Variants in ANXA8 observed in about 807,000 individuals in gnomAD.
ANXA8 encodes VAC-beta.
ANXA8 carries 9 observed loss-of-function variants against 26.8 expected under a neutral mutation model. That is an observed-to-expected ratio of 0.34 (90% CI 0.20 to 0.59). The LOEUF is 0.59. Ranked by LOEUF, ANXA8 falls within the 20% of genes least tolerant of loss-of-function variation. The pLI, the probability that ANXA8 is intolerant of heterozygous loss-of-function variation, is 0.84. For synonymous variants in ANXA8, 39 were observed against 94.8 expected (o/e 0.41, Z 3.42); for missense variants, 83 against 238.5 (o/e 0.35, Z 4.29).
At chr10:47,622,931 A>C in the ANXA8 span, among the ~76,000 whole-genome samples, 20 of 113,242 alleles carry the variant, frequency 1.8e-4, 3 homozygotes, top group African/African-American at 3.4e-4. Context: ...TACTGTGTGT[A>C]CTGGGTTCCT....
At chr10:47,756,846 G>T in the ANXA8 span, among the ~76,000 whole-genome samples, 1 of 142,866 alleles carries the variant, frequency 7.0e-6, no homozygotes, top group Non-Finnish European at 1.5e-5. Context: ...GGAGGTGCGG[G>T]CCTCACCCTG....
the ANXA8 span, among the ~76,000 whole-genome samples, chr10:47,915,100 G>C: frequency 6.6e-6 from 1 of 151,914 alleles, no homozygotes; most frequent in African/African-American, 2.4e-5. Context: ...CTATATGTGA[G>C]TGGACCATGC....
chr10:47,972,290 A>C, the ANXA8 span, among the ~76,000 whole-genome samples: 2 of 151,664 alleles, frequency 1.3e-5, no homozygotes, highest in African/African-American at 2.4e-5. Context: ...TCATTATGTC[A>C]ACCTTCTGGG....
the ANXA8 span, among the ~76,000 whole-genome samples, chr10:47,645,903 T>G: frequency 1.3e-5 from 2 of 149,720 alleles, no homozygotes; most frequent in Non-Finnish European, 2.9e-5. Context: ...CACCTGGTTC[T>G]CAGACTTTTG....
chr10:47,474,913 G>A, intron 7 of ANXA8, 32 bp downstream of exon 7: 1 of 1,533,094 alleles, frequency 6.5e-7, no homozygotes. Context: ...GGCAGGGGGT[G>A]GGGCCACATG....
At chr10:47,679,800 C>T in the ANXA8 span, among the ~76,000 whole-genome samples, 5 of 151,880 alleles carry the variant, frequency 3.3e-5, no homozygotes, top group Non-Finnish European at 5.9e-5. Context: ...GGCCTGTAGT[C>T]CTGTCTACTC....
chr10:47,583,710 T>C, the ANXA8 span, among the ~76,000 whole-genome samples: 48 of 146,796 alleles, frequency 3.3e-4, 3 homozygotes, highest in African/African-American at 6.6e-4. Flanking sequence ...CTGTGTGCAT[T>C]TTCAGCTTAA....
At chr10:47,683,052 C>T in the ANXA8 span, among the ~76,000 whole-genome samples, 6 of 152,220 alleles carry the variant, frequency 3.9e-5, no homozygotes, top group African/African-American at 1.4e-4. Context: ...TGTCTGCTCA[C>T]AGGTTGGCTT....
At chr10:47,646,405 T>A in the ANXA8 span, among the ~76,000 whole-genome samples, 1 of 144,298 alleles carries the variant, frequency 6.9e-6, no homozygotes, top group Non-Finnish European at 1.5e-5. Flanking sequence ...TATACATTTT[T>A]TACTCATTGA....
At chr10:47,587,559 G>A in the ANXA8 span, among the ~76,000 whole-genome samples, 2 of 147,046 alleles carry the variant, frequency 1.4e-5, no homozygotes, top group Admixed American at 6.6e-5. Context: ...CTAAGCCATT[G>A]TATAATTGAA....
At chr10:47,564,598 C>A in the ANXA8 span, 1 of 393,796 alleles carries the variant, frequency 2.5e-6, no homozygotes. Context: ...ACAGCGTGGC[C>A]GGCTGCTTCC....
the ANXA8 span, among the ~76,000 whole-genome samples, chr10:47,658,626 T>G: frequency 0.36 from 35,614 of 99,798 alleles, 4,140 homozygotes; most frequent in East Asian, 0.67. Context: ...TGAGTTGTAT[T>G]TGATGAGATT....
chr10:47,898,811 ATTTTTTTTTT>A, the ANXA8 span, among the ~76,000 whole-genome samples: 710 of 56,186 alleles, frequency 0.013, 2 homozygotes, highest in Middle Eastern at 0.032. Context: ...AAGAGAATGG[ATTTTTTTTTT>A]TTTTTTTTTT....
At chr10:47,701,414 C>T in the ANXA8 span, among the ~76,000 whole-genome samples, 5 of 151,806 alleles carry the variant, frequency 3.3e-5, no homozygotes, top group Admixed American at 1.3e-4. Flanking sequence ...ATACATATCA[C>T]AAGGTTATTC....
chr10:47,768,754 A>G, the ANXA8 span, among the ~76,000 whole-genome samples: 1 of 151,650 alleles, frequency 6.6e-6, no homozygotes, highest in Admixed American at 6.6e-5. Context: ...TGGGAGGCAG[A>G]CGGACTGCTG....
the ANXA8 span, among the ~76,000 whole-genome samples, chr10:47,657,581 A>T: frequency 6.6e-6 from 1 of 151,578 alleles, no homozygotes; most frequent in East Asian, 1.9e-4. Flanking sequence ...TGGCTATGAA[A>T]ATTAAGACAG....
chr10:47,670,348 A>G, the ANXA8 span, among the ~76,000 whole-genome samples: 1 of 151,878 alleles, frequency 6.6e-6, no homozygotes, highest in East Asian at 1.9e-4. Flanking sequence ...GGGGGTGAAC[A>G]TTTGTTTTTA....
chr10:47,659,633 G>A, the ANXA8 span, among the ~76,000 whole-genome samples: 21 of 149,100 alleles, frequency 1.4e-4, no homozygotes, highest in South Asian at 4.2e-4. Flanking sequence ...CTGAGATTGC[G>A]CCATTGCACT....
the ANXA8 span, among the ~76,000 whole-genome samples, chr10:47,650,545 G>A: frequency 5.4e-5 from 8 of 149,214 alleles, no homozygotes; most frequent in South Asian, 2.1e-4. Context: ...GGTGGCTCAC[G>A]CCTGTAATCC....
Sources: gnomAD v4.1 joint callset for allele counts (sites outside exome capture counted in the v4.1 genomes callset) on GRCh38, gnomAD v4.1.1 for gene constraint, MANE v1.5 for transcripts, NCBI Gene and HGNC (gene_info 2026-07-23, HGNC 2026-07-21) for gene names.